TCF20: variants seen among roughly 807,000 people sequenced by gnomAD.
TCF20 encodes transcription factor 20, also known as SPRE-binding protein.
TCF20 carries 3 observed loss-of-function variants against 148.6 expected under a neutral mutation model. The observed-to-expected ratio is 0.02, with a 90% CI of 0.01 to 0.05. The LOEUF (loss-of-function observed/expected upper bound fraction) is 0.05, where lower values mean the gene tolerates loss of function less well. Ranked by LOEUF, TCF20 falls within the 10% of genes least tolerant of loss-of-function variation. The pLI is 1.00. For missense variants in TCF20, 2,350 were observed against 2,429.3 expected, an observed-to-expected ratio of 0.97 and a Z score of 0.69; for synonymous variants, 1,049 against 909.5, an observed-to-expected ratio of 1.15 and a Z score of -2.76.
chr22:42,294,378 C>T (rs886305081), intron 1 of TCF20, among the ~76,000 whole-genome samples: 3 of 152,230 alleles, frequency 2.0e-5, no homozygotes, highest in Non-Finnish European at 4.4e-5. Context: ...TAAAGTTCCC[C>T]TTGAAGGTTT....
intron 1 of TCF20, among the ~76,000 whole-genome samples, chr22:42,217,033 T>C (rs1219099560): frequency 1.3e-5 from 2 of 152,250 alleles, no homozygotes; most frequent in Non-Finnish European, 2.9e-5. Flanking sequence ...GCTAGTTTCC[T>C]AGTTCCCCTG....
chr22:42,298,018 T>G lies in TCF20; in HGVS notation c.-37+45461A>C, dbSNP rs538443134. On this transcript the variant is annotated intron_variant, in intron 1 of 1. Transcript: ENST00000515426. ...GTGGGGCTTTTCAGCATCTGTCTTC[T>G]CAATAGACTCAAAGCAAACCCATGG... is the stretch of plus-strand genomic sequence containing the variant. 3.3e-5 allele frequency among the ~76,000 whole-genome samples: 5 copies of G among 152,280 alleles called. 1 individual carries two copies. In the South Asian group the frequency reaches 1.0e-3, roughly 32 times the overall value.
At chr22:42,223,969 T>G (rs1339193515) in intron 1 of TCF20, among the ~76,000 whole-genome samples, 1 of 152,146 alleles carries the variant, frequency 6.6e-6, no homozygotes, top group Admixed American at 6.5e-5. Context: ...CTCCCTGACT[T>G]GGGAGATCAG....
chr22:42,298,498 C>T (rs1315742058), intron 1 of TCF20, among the ~76,000 whole-genome samples: 1 of 152,198 alleles, frequency 6.6e-6, no homozygotes, highest in African/African-American at 2.4e-5. Context: ...GCCTCCTTGG[C>T]TATCACTGAA....
At chr22:42,337,431 A>T (rs1928085694) in intron 1 of TCF20, among the ~76,000 whole-genome samples, 1 of 152,008 alleles carries the variant, frequency 6.6e-6, no homozygotes, top group South Asian at 2.1e-4. Context: ...TTCTGCTTAC[A>T]AGCCCTGGTG....
intron 1 of TCF20, among the ~76,000 whole-genome samples, chr22:42,265,969 G>A (rs1387003537): frequency 6.6e-6 from 1 of 151,920 alleles, no homozygotes; most frequent in East Asian, 1.9e-4. Context: ...GTATGGGCAA[G>A]GTAAAAGTTT....
At chr22:42,310,445 G>A (rs188232080) in intron 1 of TCF20, among the ~76,000 whole-genome samples, 1 of 145,170 alleles carries the variant, frequency 6.9e-6, no homozygotes, top group Non-Finnish European at 1.5e-5. Flanking sequence ...GGTTGTGCGG[G>A]GGGGAGTAAG....
intron 1 of TCF20, among the ~76,000 whole-genome samples, chr22:42,256,490 A>T (rs1925752655): frequency 6.6e-6 from 1 of 150,572 alleles, no homozygotes. Context: ...TTTTTTTTTA[A>T]AGAGACATTT....
chr22:42,173,335 A>C (rs1255935736), intron 3 of TCF20, among the ~76,000 whole-genome samples: 1 of 152,078 alleles, frequency 6.6e-6, no homozygotes, highest in Non-Finnish European at 1.5e-5. Context: ...CAAGCAACAC[A>C]AAACAGCTGA....
intron 2 of TCF20, among the ~76,000 whole-genome samples, chr22:42,201,681 T>C (rs928580997): frequency 6.6e-6 from 1 of 152,102 alleles, no homozygotes. Context: ...GGCAGGAGAA[T>C]TGCTTGAACC....
chr22:42,185,496 G>A (rs148794642), intron 2 of TCF20, among the ~76,000 whole-genome samples: 2 of 152,206 alleles, frequency 1.3e-5, no homozygotes, highest in East Asian at 1.9e-4. Context: ...TGTGGAACAA[G>A]GTATGTGTTC....
At position 42,212,489 on chromosome 22, in the gene TCF20, T is replaced by G. The variant is rs1921080835; in HGVS notation, c.2817A>C (p.Gln939His). 2 of 1,614,222 alleles carry G rather than the reference T, an allele frequency of 1.2e-6. No homozygotes were observed. The highest frequency in any genetic ancestry group is 1.7e-6 in the Non-Finnish European group (2 of 1,180,048). Residue 939 changes from glutamine (Q) to histidine (H), a missense_variant, in exon 2 of 6, where the codon CAA becomes CAC. Physicochemically the swap from Gln to His is conservative, Grantham distance 24 (BLOSUM62 0). Transcript: ENST00000677622. ...KEEDFEQSKS[Q>H]ASFNNKKSGD... ...CAGATTTCTTGTTGTTGAAACTAGC[T>G]TGAGATTTAGACTGTTCAAAGTCTT...
In TCF20 at chr22:42,174,842, C is replaced by A. The variant is rs5751235; in HGVS notation, c.5749+4767G>T. Among the ~76,000 whole-genome samples the A allele has an allele frequency of 2.0e-5, 3 of 151,734 alleles. No homozygotes were observed. The South Asian group carries it at 6.2e-4, about 32-fold the overall frequency. On this transcript the variant is annotated intron_variant, in intron 3 of 5. Coordinates refer to ENST00000677622, the MANE Select transcript of TCF20 (RefSeq NM_001378418.1). ...CAAGGTCAGGAGATCGAGACCATCC[C>A]GGCTAACACGGTGAAACCCCGTCTC... is the stretch of plus-strand genomic sequence containing the variant.
rs554899790 is a variant in TCF20 at position 42,210,213 on chromosome 22, G to A, written c.5093C>T (p.Ser1698Leu). The change falls in exon 2 of 6, where the codon TCG becomes TTG. Residue 1698 changes from serine (S) to leucine (L), a missense_variant. Coordinates refer to ENST00000677622, the MANE Select transcript of TCF20 (RefSeq NM_001378418.1). This position sits in a 1 kb window ranked among gnomAD's most constrained non-coding sequence, Gnocchi z 4.7. Reference protein sequence around the residue: ...MLQGPVVTESSVMGHLVCCLC... With the variant: ...MLQGPVVTESLVMGHLVCCLC... Reference sequence around the variant, plus strand: ...ACAGCAAACCAGGTGCCCCATAACCGAAGACTCTGTCACAACAGGTCCCTG... The same window carrying A: ...ACAGCAAACCAGGTGCCCCATAACCAAAGACTCTGTCACAACAGGTCCCTG... The A allele has an allele frequency of 9.3e-6, 15 of 1,614,110 alleles. No homozygotes were observed. In the Admixed American group the frequency reaches 1.2e-4, roughly 13 times the overall value.
At chr22:42,179,433 A>AG (rs1164604413) in intron 3 of TCF20, among the ~76,000 whole-genome samples, 176 bp downstream of exon 3, 1 of 139,160 alleles carries the variant, frequency 7.2e-6, no homozygotes, top group Non-Finnish European at 1.5e-5. Context: ...CAGGGACTGG[A>AG]GGGAAGGGAA....
Position 42,218,251 on chromosome 22 carries a change from G to A in TCF20, c.-36-2910C>T, listed in dbSNP as rs560978138. On this transcript the variant is annotated intron_variant, in intron 1 of 5. Transcript: ENST00000677622. ...CATGTTTTTAACATTACATTGCCCA[G>A]AGGGTCTTCCACATGGTCAGTAAAA... 2.0e-5 allele frequency among the ~76,000 whole-genome samples: 3 copies of A among 152,318 alleles called. No individual in the cohort carries two copies. The South Asian group carries it at 6.2e-4, about 32-fold the overall frequency.
intron 1 of TCF20, among the ~76,000 whole-genome samples, chr22:42,218,561 TTAAAC>T (rs1256575636): frequency 2.0e-5 from 3 of 152,234 alleles, no homozygotes; most frequent in Non-Finnish European, 4.4e-5. Context: ...AGCTAGCAGT[TTAAAC>T]TAATGAAAAG....
At chr22:42,196,507 C>T (rs1382688957) in intron 2 of TCF20, among the ~76,000 whole-genome samples, 1 of 152,148 alleles carries the variant, frequency 6.6e-6, no homozygotes, top group Non-Finnish European at 1.5e-5. Flanking sequence ...GGGAACTGTC[C>T]TATCACTTAT....
At position 42,279,022 on chromosome 22, in the gene TCF20, C is replaced by T. The variant is rs143017935; in HGVS notation, c.-37+4805G>A. The stretch of plus-strand genomic sequence containing the variant: ...CCTGCCCACCTGACGACCATTATTC[C>T]CATTATCAGTATATCCCTCTGTGGG... On this transcript the variant is annotated intron_variant, in intron 1 of 5. Coordinates refer to the TCF20 transcript ENST00000359486. The surrounding 1 kb of genome is among the most constrained non-coding windows in gnomAD (Gnocchi z 4.3). Among the ~76,000 whole-genome samples the T allele has an allele frequency of 7.2e-4, 109 of 152,252 alleles. No homozygotes were observed. Among genetic ancestry groups the T allele is most frequent in the African/African-American group, 2.6e-3 (107 of 41,546 alleles).
Sources: gnomAD v4.1 joint callset for allele counts (sites outside exome capture counted in the v4.1 genomes callset) on GRCh38, gnomAD v4.1.1 for gene constraint, Gnocchi (gnomAD v3.1) non-coding constraint, MANE v1.5 for transcripts, NCBI Gene and HGNC (gene_info 2026-07-23, HGNC 2026-07-21) for gene names.